The following KIRREL3 variants were observed in gnomAD, a reference collection of about 807,000 sequenced individuals.
KIRREL3 encodes kirre like nephrin family adhesion molecule 3, also known as kin of IRRE-like protein 3.
In KIRREL3, 36 loss-of-function variants were observed where a neutral mutation model predicts 89.7. That is an observed-to-expected ratio of 0.40 (90% CI 0.31 to 0.53). KIRREL3 has a LOEUF of 0.53. KIRREL3 is among the 20% of genes least tolerant of loss of function. The pLI, the probability that KIRREL3 is intolerant of heterozygous loss-of-function variation, is 0.49. For missense variants in KIRREL3, 864 were observed against 1,056.6 expected, an observed-to-expected ratio of 0.82 and a Z score of 2.53; for synonymous variants, 445 against 441.4, an observed-to-expected ratio of 1.01 and a Z score of -0.10.
intron 1 of KIRREL3, among the ~76,000 whole-genome samples, chr11:126,850,275 C>G (rs1361948156): frequency 6.6e-6 from 1 of 152,208 alleles, no homozygotes; most frequent in South Asian, 2.1e-4. Flanking sequence ...TCCCTTTTCA[C>G]AAGGGCAAAT....
At chr11:126,926,632 TG>T (rs1171172719) in intron 1 of KIRREL3, among the ~76,000 whole-genome samples, 1 of 152,140 alleles carries the variant, frequency 6.6e-6, no homozygotes, top group Non-Finnish European at 1.5e-5. Flanking sequence ...GAGCTCTGCC[TG>T]GAAGTGTGAT....
intron 1 of KIRREL3, among the ~76,000 whole-genome samples, chr11:126,884,460 G>C (rs4937215): frequency 0.62 from 93,809 of 152,114 alleles, 30,461 homozygotes; most frequent in African/African-American, 0.82. Flanking sequence ...TTCAAGCACA[G>C]AGAGAATTGC....
intron 1 of KIRREL3, among the ~76,000 whole-genome samples, chr11:126,887,402 G>C (rs1308962171): frequency 6.6e-6 from 1 of 152,128 alleles, no homozygotes; most frequent in Non-Finnish European, 1.5e-5. Context: ...TTATGGTCAT[G>C]GTCAGCGTGC....
chr11:126,573,834 C>A (rs1046082449), intron 1 of KIRREL3, among the ~76,000 whole-genome samples: 2 of 152,050 alleles, frequency 1.3e-5, no homozygotes, highest in Non-Finnish European at 2.9e-5. Context: ...TAACAGAGAC[C>A]ACAGGGTGGC....
intron 1 of KIRREL3, among the ~76,000 whole-genome samples, chr11:126,986,264 T>TA (rs376588854): frequency 1.3e-4 from 20 of 152,238 alleles, no homozygotes; most frequent in South Asian, 4.2e-4. Flanking sequence ...CATTTTTTTT[T>TA]ATGAATTGAA....
Position 126,752,601 on chromosome 11 carries a change from T to A in KIRREL3, c.56-189689A>T, listed in dbSNP as rs974790726. 2.0e-5 allele frequency among the ~76,000 whole-genome samples: 3 copies of A among 152,190 alleles called. No individual in the cohort carries two copies. Among genetic ancestry groups the A allele is most frequent in the African/African-American group, 7.2e-5 (3 of 41,454 alleles). On this transcript the variant is annotated intron_variant, in intron 1 of 16. Transcript: ENST00000525144. This position sits in a 1 kb window ranked among gnomAD's most constrained non-coding sequence, Gnocchi z 4.8. ...CAATTTCTAAGAATCTATAGTTTAG[T>A]GACTCATTGGCACTCTAATGACTAC...
At position 126,642,114 on chromosome 11, in the gene KIRREL3, G is replaced by A. The variant is rs1167109242; in HGVS notation, c.56-79202C>T. Among the ~76,000 whole-genome samples, 3 of 152,214 alleles carry A rather than the reference G, an allele frequency of 2.0e-5. No individual in the cohort carries two copies. The highest frequency in any genetic ancestry group is 4.8e-5 in the African/African-American group (2 of 41,454). ...AGAGAGCCAGAGGCCCCTTTGGAAA[G>A]GGTGGATCTCCATAACCCATGGGAG... On this transcript the variant is annotated intron_variant, in intron 1 of 16. Transcript: ENST00000525144. The surrounding 1 kb of genome is among the most constrained non-coding windows in gnomAD (Gnocchi z 4.9).
At position 126,791,981 on chromosome 11, in the gene KIRREL3, T is replaced by G. The variant is rs1403377254; in HGVS notation, c.55+208474A>C. The stretch of plus-strand genomic sequence containing the variant: ...TTGGTGGTGTGGTTCTCCTCTTCTC[T>G]GTATGCCACTTTTCCCCATTTCCTG... On this transcript the variant is annotated intron_variant, in intron 1 of 16. Transcript: ENST00000525144. The surrounding 1 kb of genome is among the most constrained non-coding windows in gnomAD (Gnocchi z 4.8). Among the ~76,000 whole-genome samples the G allele has an allele frequency of 6.6e-6, 1 of 152,180 alleles. No individual in the cohort carries two copies. The highest frequency in any genetic ancestry group is 1.5e-5 in the Non-Finnish European group (1 of 68,042).
intron 1 of KIRREL3, among the ~76,000 whole-genome samples, chr11:126,847,292 G>C (rs1944180109): frequency 6.6e-6 from 1 of 152,062 alleles, no homozygotes; most frequent in Non-Finnish European, 1.5e-5. Flanking sequence ...GATAGCACTT[G>C]GTGTAGATTA....
At chr11:126,945,071 T>A (rs1948578679) in intron 1 of KIRREL3, 1 of 152,174 alleles carries the variant, frequency 6.6e-6, no homozygotes, top group African/African-American at 2.4e-5. Context: ...TGAAACAAAT[T>A]AAATCTCAGT....
At chr11:126,853,835 G>C (rs897883661) in intron 1 of KIRREL3, among the ~76,000 whole-genome samples, 7 of 152,076 alleles carry the variant, frequency 4.6e-5, no homozygotes, top group Admixed American at 2.6e-4. Context: ...CTAAGTATAT[G>C]ACAGGGACTT....
chr11:126,450,466 A>C (rs564027935), intron 7 of KIRREL3, among the ~76,000 whole-genome samples: 3 of 117,482 alleles, frequency 2.6e-5, no homozygotes, highest in African/African-American at 7.1e-5. Flanking sequence ...TGAGTGTGTG[A>C]ATGTGTGCAT....
In KIRREL3 at chr11:126,603,711, C is replaced by T. The variant is rs149800023; in HGVS notation, c.56-40799G>A. On this transcript the variant is annotated intron_variant, in intron 1 of 16. Transcript: ENST00000525144. Reference sequence around the variant, plus strand: ...ATGTTTCTCTGGGCCCTGCCTGGTGCGCAGCAGCCATATCCTGGGCAGGTG... The same window carrying T: ...ATGTTTCTCTGGGCCCTGCCTGGTGTGCAGCAGCCATATCCTGGGCAGGTG... 1.4e-4 allele frequency among the ~76,000 whole-genome samples: 21 copies of T among 152,354 alleles called. No homozygotes were observed. In the East Asian group the frequency reaches 2.5e-3, roughly 18 times the overall value.
chr11:126,431,269 G>A lies in KIRREL3; in HGVS notation c.1696+150C>T, dbSNP rs556971416. On this transcript the variant is annotated intron_variant, in intron 14 of 16. Transcript: ENST00000525144. This position sits in a 1 kb window ranked among gnomAD's most constrained non-coding sequence, Gnocchi z 7.1. ...CATGTTGCCCAGGCTCACATACACC[G>A]ATGCATCAGACCCACTCCCTGCCCC... The A allele has an allele frequency of 6.4e-5, 99 of 1,545,294 alleles. 1 individual carries two copies. The African/African-American group carries it at 7.4e-4, about 12-fold the overall frequency.
intron 1 of KIRREL3, among the ~76,000 whole-genome samples, chr11:126,834,207 C>T (rs1184735846): frequency 6.6e-6 from 1 of 152,180 alleles, no homozygotes; most frequent in Non-Finnish European, 1.5e-5. Context: ...CTGATCCCAG[C>T]ACATTATCTC....
intron 4 of KIRREL3, among the ~76,000 whole-genome samples, chr11:126,480,155 C>G (rs943515607): frequency 6.6e-6 from 1 of 152,170 alleles, no homozygotes; most frequent in African/African-American, 2.4e-5. Context: ...TGACTTGAGT[C>G]GATCACTTTA....
chr11:126,469,495 C>T (rs915537327), intron 5 of KIRREL3, among the ~76,000 whole-genome samples: 10 of 152,300 alleles, frequency 6.6e-5, no homozygotes, highest in African/African-American at 2.4e-4. Context: ...GGGGTTGGCT[C>T]GGACAGCCCC....
chr11:126,437,855 CAT>C (rs774977778), intron 11 of KIRREL3, among the ~76,000 whole-genome samples: 5 of 152,188 alleles, frequency 3.3e-5, no homozygotes, highest in Admixed American at 6.5e-5. Flanking sequence ...TACACACCAT[CAT>C]GTGTACTTAC....
chr11:126,948,009 G>T lies in KIRREL3; in HGVS notation c.55+52446C>A, dbSNP rs1410710354. Among the ~76,000 whole-genome samples the T allele has an allele frequency of 1.3e-5, 2 of 152,152 alleles. No individual in the cohort carries two copies. The highest frequency in any genetic ancestry group is 2.9e-5 in the Non-Finnish European group (2 of 68,026). ...CGTTAACTCAGATATCCCAATTGCT[G>T]CTTGGCTACCCCAAAACTCCAACGC... On this transcript the variant is annotated intron_variant, in intron 1 of 16. Coordinates refer to ENST00000525144, the MANE Select transcript of KIRREL3 (RefSeq NM_032531.4). The surrounding 1 kb of genome is among the most constrained non-coding windows in gnomAD (Gnocchi z 4.5).
Sources: allele counts gnomAD v4.1 joint callset (sites outside exome capture counted in the v4.1 genomes callset), GRCh38; gene constraint gnomAD v4.1.1; non-coding constraint Gnocchi (gnomAD v3.1); transcripts MANE v1.5; gene names NCBI Gene and HGNC (gene_info 2026-07-23, HGNC 2026-07-21).